EPB41: variants seen among roughly 807,000 people sequenced by gnomAD.
EPB41 encodes erythrocyte membrane protein band 4.1, also known as protein 4.1.
Under a neutral mutation model 108.0 loss-of-function variants are expected in EPB41, and 65 were observed. The observed-to-expected ratio is 0.60, with a 90% confidence interval of 0.49 to 0.74. The LOEUF is 0.74. Ranked by LOEUF, EPB41 falls within the 30% of genes least tolerant of loss-of-function variation. EPB41 has a pLI of 0.00. For missense variants in EPB41, 875 were observed against 1,037.0 expected (o/e 0.84, Z 2.15); for synonymous variants, 336 against 358.9 (o/e 0.94, Z 0.72).
At chr1:28,911,995 G>A (rs1262074046), upstream of EPB41, among the ~76,000 whole-genome samples, 2 of 152,128 alleles carry the variant, frequency 1.3e-5, no homozygotes, top group Admixed American at 6.5e-5. Flanking sequence ...GAGGTGAGGC[G>A]AGATCGTGCC....
At chr1:28,965,634 G>A (rs760433201) in intron 1 of EPB41, among the ~76,000 whole-genome samples, 45 of 152,090 alleles carry the variant, frequency 3.0e-4, no homozygotes, top group Non-Finnish European at 5.7e-4. Context: ...AGGTTAGGTG[G>A]GAATGGGTAG....
chr1:28,976,948 G>C (rs954806785), intron 1 of EPB41, among the ~76,000 whole-genome samples: 1 of 152,024 alleles, frequency 6.6e-6, no homozygotes, highest in South Asian at 2.1e-4. Context: ...TGCCTCCTGG[G>C]TTCAAGCCAT....
At chr1:28,905,412 G>A (rs2091721311) in intron 1 of EPB41, among the ~76,000 whole-genome samples, 1 of 151,316 alleles carries the variant, frequency 6.6e-6, no homozygotes, top group Non-Finnish European at 1.5e-5. Context: ...CAGGAGAATC[G>A]CTTGAACCCG....
At chr1:29,036,314 C>T (rs12734106) in intron 10 of EPB41, among the ~76,000 whole-genome samples, 44,277 of 144,526 alleles carry the variant, frequency 0.31, 8,467 homozygotes, top group Non-Finnish European at 0.41. Context: ...GGCTGGAGTG[C>T]CGTGGCGCGA....
At chr1:29,068,591 A>G in intron 16 of EPB41, 1 of 449,408 alleles carries the variant, frequency 2.2e-6, no homozygotes. Context: ...AATATTGGGT[A>G]ATTCTACTTT....
rs759284322 is a variant in EPB41, at chr1:29,058,656, A to G, written c.1902+11A>G. On this transcript the variant is annotated intron_variant, in intron 13 of 20. Transcript: ENST00000343067. ...GGTGACCAAACACAGGTTTGTGCCA[A>G]TAGGCCACTTGTTCCTCTTTCCCTC... 1.3e-5 allele frequency: 21 copies of G among 1,612,698 alleles called. No homozygotes were observed. The highest frequency in any genetic ancestry group is 2.2e-5 in the East Asian group (1 of 44,868).
chr1:28,933,972 T>G (rs2093872796), intron 1 of EPB41, among the ~76,000 whole-genome samples: 1 of 152,174 alleles, frequency 6.6e-6, no homozygotes, highest in South Asian at 2.1e-4. Flanking sequence ...AGTTCATATT[T>G]TATTCAGATT....
chr1:29,088,167 C>T (rs1659926733), intron 16 of EPB41, among the ~76,000 whole-genome samples: 1 of 151,894 alleles, frequency 6.6e-6, no homozygotes. Flanking sequence ...CTTCCTCAGC[C>T]TCTTGAGTAG....
intron 1 of EPB41, among the ~76,000 whole-genome samples, chr1:28,936,555 T>C (rs1170550975): frequency 2.6e-5 from 4 of 152,220 alleles, no homozygotes; most frequent in Non-Finnish European, 5.9e-5. Context: ...CAGTTACATT[T>C]CCCCATCCCC....
chr1:28,985,987 G>A lies in EPB41; in HGVS notation c.-7-1444G>A, dbSNP rs1406849592. 8.9e-4 allele frequency among the ~76,000 whole-genome samples: 56 copies of A among 63,254 alleles called. 1 individual carries two copies. Among genetic ancestry groups the A allele is most frequent in the African/African-American group, 3.6e-3 (54 of 14,848 alleles). The allele number at this position is 63,254 out of a possible 152,430, so 41.5% of individuals were successfully genotyped here. A position where few individuals can be genotyped will look rare whatever the true frequency, so the allele number is the denominator to read the frequency against. Reference sequence around the variant, plus strand: ...CAATGCTATCCCTCCCCCCTCCCCCGACCCCACCACAGTCCCCAGAGTGTG... The same window carrying A: ...CAATGCTATCCCTCCCCCCTCCCCCAACCCCACCACAGTCCCCAGAGTGTG... On this transcript the variant is annotated intron_variant, in intron 1 of 20. Transcript: ENST00000343067.
intron 1 of EPB41, among the ~76,000 whole-genome samples, chr1:28,909,281 A>G (rs1333331504): frequency 3.3e-5 from 5 of 152,108 alleles, no homozygotes; most frequent in Non-Finnish European, 7.4e-5. Flanking sequence ...GCAATTTCAT[A>G]TGACTTAATA....
intron 11 of EPB41, 37 bp downstream of exon 11, chr1:29,039,463 A>G (rs1159454591): frequency 6.2e-7 from 1 of 1,610,910 alleles, no homozygotes; most frequent in Admixed American, 1.7e-5. Flanking sequence ...TGTGATCATA[A>G]TTCATTTGGA....
At chr1:28,941,980 C>T (rs147240271) in intron 1 of EPB41, among the ~76,000 whole-genome samples, 1,629 of 149,972 alleles carry the variant, frequency 0.011, 19 homozygotes, top group Non-Finnish European at 0.019. Flanking sequence ...AAAATTTGAA[C>T]GATAAAGTAT....
intron 16 of EPB41, chr1:29,068,711 T>TA (rs1649719156): frequency 8.1e-7 from 1 of 1,230,980 alleles, no homozygotes; most frequent in Admixed American, 4.2e-5. Context: ...AACTGAATTT[T>TA]ATATAATTTG....
At chr1:28,940,631 G>A (rs1049359135) in intron 1 of EPB41, among the ~76,000 whole-genome samples, 7 of 152,028 alleles carry the variant, frequency 4.6e-5, no homozygotes, top group Non-Finnish European at 8.8e-5. Context: ...CAGCCTGGGC[G>A]ACAGAGCGAG....
chr1:29,082,642 C>T (rs1464423975), intron 16 of EPB41, among the ~76,000 whole-genome samples: 4 of 152,168 alleles, frequency 2.6e-5, no homozygotes, highest in Admixed American at 6.5e-5. Flanking sequence ...GACCACCAAA[C>T]GCTTCTGGTC....
At position 29,111,182 on chromosome 1, in the gene EPB41, AAAAG is replaced by A. The variant is rs1489074204; in HGVS notation, c.2416-1182_2416-1179del. On this transcript the variant is annotated intron_variant, in intron 18 of 20. Coordinates refer to ENST00000343067, the MANE Select transcript of EPB41 (RefSeq NM_001376013.1). ...ACTCCATCTCAAAAAAAAAAAAAGA[AAAAG>A]AAAATGATCAATTAAAATGTATAGC... Among the ~76,000 whole-genome samples, 13 of 152,182 alleles carry A rather than the reference AAAAG, an allele frequency of 8.5e-5. No homozygotes were observed. In the East Asian group the frequency reaches 2.5e-3, roughly 29 times the overall value.
intron 17 of EPB41, among the ~76,000 whole-genome samples, chr1:29,099,967 GA>G (rs1232091008): frequency 6.6e-6 from 1 of 152,188 alleles, no homozygotes; most frequent in Admixed American, 6.5e-5. Flanking sequence ...GGGATTACAT[GA>G]AAGATTGCTG....
intron 19 of EPB41, 28 bp downstream of exon 19, chr1:29,112,476 G>A (rs199528285): frequency 8.0e-5 from 128 of 1,591,172 alleles, no homozygotes; most frequent in Admixed American, 7.8e-4. Context: ...ATCTGGGCCT[G>A]GGAGGGGTCC....
Sources: gnomAD v4.1 joint callset for allele counts (sites outside exome capture counted in the v4.1 genomes callset) on GRCh38, gnomAD v4.1.1 for gene constraint, MANE v1.5 for transcripts, NCBI Gene and HGNC (gene_info 2026-07-23, HGNC 2026-07-21) for gene names.